The following STK3 variants were observed in gnomAD, a reference collection of about 807,000 sequenced individuals.
STK3 encodes serine/threonine kinase 3, also known as serine/threonine-protein kinase 3.
In STK3, 41 loss-of-function variants were observed where a neutral mutation model predicts 58.0. That is an observed-to-expected ratio of 0.71 (90% confidence interval 0.55 to 0.92). The LOEUF is 0.92. Among genes scored for constraint, STK3 ranks in the 40% least tolerant of loss-of-function variants. STK3 has a pLI of 0.00. For missense variants in STK3, 479 were observed against 602.7 expected, an observed-to-expected ratio of 0.79 and a Z score of 2.15; for synonymous variants, 170 against 191.0, an observed-to-expected ratio of 0.89 and a Z score of 0.91.
rs914022271 is a variant in STK3, at chr8:98,568,895, T to C, written c.948+10769A>G. 3.3e-5 allele frequency among the ~76,000 whole-genome samples: 5 copies of C among 151,870 alleles called. No individual in the cohort carries two copies. The East Asian group carries it at 9.7e-4, about 29-fold the overall frequency. ...AGAGACAGTGAAAATTACCAAGAAA[T>C]AGCAAACATGAAATCACATAGAACT... On this transcript the variant is annotated intron_variant, in intron 8 of 10. Transcript: ENST00000419617.
At chr8:98,732,903 A>G (rs1299979807) in intron 4 of STK3, among the ~76,000 whole-genome samples, 3 of 152,240 alleles carry the variant, frequency 2.0e-5, no homozygotes, top group Non-Finnish European at 4.4e-5. Context: ...AAACTCCCAG[A>G]AACAGAAAAT....
At chr8:98,570,537 A>T (rs888480253) in intron 8 of STK3, among the ~76,000 whole-genome samples, 2 of 152,186 alleles carry the variant, frequency 1.3e-5, no homozygotes, top group Non-Finnish European at 2.9e-5. Context: ...AATGTTTTTT[A>T]AAAAATTGAA....
chr8:98,736,376 C>T (rs1302507290), intron 4 of STK3, among the ~76,000 whole-genome samples: 1 of 152,054 alleles, frequency 6.6e-6, no homozygotes, highest in East Asian at 1.9e-4. Context: ...AAATATGAAG[C>T]CAGTTCTTAT....
chr8:98,699,286 A>G (rs1199936606), intron 6 of STK3, among the ~76,000 whole-genome samples: 2 of 152,058 alleles, frequency 1.3e-5, no homozygotes, highest in Non-Finnish European at 2.9e-5. Flanking sequence ...AAAGTTTTCA[A>G]CTTCTTTGCC....
intron 6 of STK3, among the ~76,000 whole-genome samples, chr8:98,647,055 C>A (rs1327114638): frequency 6.6e-6 from 1 of 152,152 alleles, no homozygotes; most frequent in East Asian, 1.9e-4. Flanking sequence ...ACCTCCATCA[C>A]CTCCCTTACT....
intron 4 of STK3, among the ~76,000 whole-genome samples, chr8:98,720,704 T>C (rs1348202744): frequency 1.6e-5 from 2 of 128,604 alleles, no homozygotes; most frequent in Admixed American, 9.5e-5. Context: ...TGAGCATAGA[T>C]CACACCACTG....
intron 1 of STK3, among the ~76,000 whole-genome samples, chr8:98,924,113 A>G (rs1839693131): frequency 6.6e-6 from 1 of 152,214 alleles, no homozygotes. Flanking sequence ...GCAGAGAAGC[A>G]TGAAGACAAA....
chr8:98,764,388 C>T (rs1009908069), intron 3 of STK3, among the ~76,000 whole-genome samples: 7 of 152,106 alleles, frequency 4.6e-5, no homozygotes, highest in South Asian at 4.1e-4. Context: ...TACTGCTAGG[C>T]GCTGAACAGG....
chr8:98,651,849 C>G (rs1028742191), intron 6 of STK3: 3 of 152,136 alleles, frequency 2.0e-5, no homozygotes, highest in Non-Finnish European at 4.4e-5. Flanking sequence ...ACCAGATCTA[C>G]GTCTGATTGG....
intron 3 of STK3, among the ~76,000 whole-genome samples, chr8:98,841,950 G>T (rs1040545612): frequency 7.1e-4 from 108 of 152,130 alleles, no homozygotes; most frequent in African/African-American, 2.3e-3. Flanking sequence ...GATGCTGCTG[G>T]TCCAGAGACC....
intron 1 of STK3, among the ~76,000 whole-genome samples, chr8:98,810,179 C>A (rs948329280): frequency 6.6e-6 from 1 of 152,168 alleles, no homozygotes; most frequent in Non-Finnish European, 1.5e-5. Context: ...CTCTCATGAT[C>A]CAATCACCTC....
At chr8:98,505,493 G>T (rs1823986180) in intron 10 of STK3, among the ~76,000 whole-genome samples, 1 of 152,160 alleles carries the variant, frequency 6.6e-6, no homozygotes, top group Non-Finnish European at 1.5e-5. Flanking sequence ...AGGATTTTCA[G>T]CTTTCTGCTC....
chr8:98,502,156 T>C (rs2131366685), intron 10 of STK3, among the ~76,000 whole-genome samples: 1 of 152,288 alleles, frequency 6.6e-6, no homozygotes, highest in South Asian at 2.1e-4. Context: ...TATTTTATTC[T>C]CTTAGTAGCA....
chr8:98,395,076 G>A (rs774092578), intron 3 of STK3, among the ~76,000 whole-genome samples: 13 of 151,598 alleles, frequency 8.6e-5, no homozygotes, highest in Non-Finnish European at 1.6e-4. Flanking sequence ...AGGCCATGAA[G>A]TGAAGCTGCC....
chr8:98,680,712 A>G (rs760013685), intron 6 of STK3, among the ~76,000 whole-genome samples: 6 of 152,252 alleles, frequency 3.9e-5, no homozygotes, highest in Non-Finnish European at 8.8e-5. Flanking sequence ...ACAGTTTCTA[A>G]AAGTATAAAC....
chr8:98,449,115 C>CAGA (rs894708761), intron 1 of STK3, among the ~76,000 whole-genome samples: 5 of 152,014 alleles, frequency 3.3e-5, no homozygotes, highest in Non-Finnish European at 5.9e-5. Context: ...TGGCTCCTTC[C>CAGA]AGAAGAAGAA....
chr8:98,805,452 G>T (rs1052676206), intron 1 of STK3, among the ~76,000 whole-genome samples: 2 of 152,074 alleles, frequency 1.3e-5, no homozygotes, highest in Non-Finnish European at 2.9e-5. Flanking sequence ...GCGGGTGCCT[G>T]TAATCCCAGC....
intron 6 of STK3, chr8:98,603,475 G>A (rs897528433): frequency 6.6e-6 from 1 of 152,188 alleles, no homozygotes; most frequent in Admixed American, 6.5e-5. Context: ...GACCTCAAAT[G>A]ATCTGCCCAC....
At chr8:98,596,191 A>T in intron 6 of STK3, 22 bp from the exon 7 acceptor site, 1 of 1,604,992 alleles carries the variant, frequency 6.2e-7, no homozygotes, top group Non-Finnish European at 8.5e-7. Flanking sequence ...GAAATATCCA[A>T]AAGACAGTAA....
Sources: allele counts gnomAD v4.1 joint callset (sites outside exome capture counted in the v4.1 genomes callset), GRCh38; gene constraint gnomAD v4.1.1; transcripts MANE v1.5; gene names NCBI Gene and HGNC (gene_info 2026-07-23, HGNC 2026-07-21).